ERBB4: variants seen among roughly 807,000 people sequenced by gnomAD.
The protein encoded by ERBB4 is receptor tyrosine-protein kinase erbB-4.
Under a neutral mutation model 158.0 loss-of-function variants are expected in ERBB4, and 42 were observed. That is an observed-to-expected ratio of 0.27 (90% CI 0.21 to 0.34). The LOEUF (loss-of-function observed/expected upper bound fraction) is 0.34, where lower values mean the gene tolerates loss of function less well. ERBB4 is among the 10% of genes least tolerant of loss of function. The pLI is 1.00. For missense variants in ERBB4, 1,333 were observed against 1,624.1 expected (o/e 0.82, Z 3.08); for synonymous variants, 583 against 558.7 (o/e 1.04, Z -0.61).
intron 20 of ERBB4, among the ~76,000 whole-genome samples, chr2:211,542,462 A>G (rs923180558): frequency 2.6e-5 from 4 of 152,016 alleles, no homozygotes; most frequent in African/African-American, 7.2e-5. Context: ...CAAAGTAACT[A>G]TGATTCACGT....
At chr2:211,416,498 C>G (rs1471692962) in intron 25 of ERBB4, among the ~76,000 whole-genome samples, 2 of 152,026 alleles carry the variant, frequency 1.3e-5, no homozygotes, top group Non-Finnish European at 2.9e-5. Flanking sequence ...AAAATAGAAA[C>G]AAATTGGGAA....
intron 12 of ERBB4, among the ~76,000 whole-genome samples, chr2:211,697,677 A>G (rs2073075854): frequency 6.6e-6 from 1 of 152,222 alleles, no homozygotes; most frequent in Non-Finnish European, 1.5e-5. Context: ...AATATAAAAT[A>G]CTTCTTTTCT....
chr2:212,270,094 G>A (rs2085290000), intron 1 of ERBB4, among the ~76,000 whole-genome samples: 1 of 151,588 alleles, frequency 6.6e-6, no homozygotes, highest in Admixed American at 6.6e-5. Context: ...TACCAGGGAT[G>A]GTAAATTAAA....
intron 3 of ERBB4, among the ~76,000 whole-genome samples, chr2:211,790,248 A>T (rs907544216): frequency 6.6e-6 from 1 of 152,076 alleles, no homozygotes; most frequent in African/African-American, 2.4e-5. Flanking sequence ...TAGGTGACAA[A>T]GAAAGGAGAT....
At chr2:212,029,512 A>G (rs2076852421) in intron 2 of ERBB4, among the ~76,000 whole-genome samples, 1 of 152,194 alleles carries the variant, frequency 6.6e-6, no homozygotes, top group Non-Finnish European at 1.5e-5. Flanking sequence ...TGTTTTTATA[A>G]GAGTACCATT....
At chr2:211,663,729 A>C (rs933525030) in intron 15 of ERBB4, among the ~76,000 whole-genome samples, 1 of 152,152 alleles carries the variant, frequency 6.6e-6, no homozygotes, top group Non-Finnish European at 1.5e-5. Flanking sequence ...AAAACAGCAA[A>C]AGGTCTCATT....
intron 2 of ERBB4, among the ~76,000 whole-genome samples, chr2:212,066,605 A>G (rs1021640988): frequency 1.3e-5 from 2 of 152,032 alleles, no homozygotes; most frequent in Non-Finnish European, 2.9e-5. Context: ...TGTAAATGCT[A>G]TCCATCATAA....
intron 3 of ERBB4, among the ~76,000 whole-genome samples, chr2:211,912,266 G>C (rs1196066409): frequency 6.6e-6 from 1 of 152,086 alleles, no homozygotes; most frequent in Non-Finnish European, 1.5e-5. Flanking sequence ...TTTTTGTTCT[G>C]TACCTGGAAG....
chr2:212,268,471 T>C (rs1232953443), intron 1 of ERBB4, among the ~76,000 whole-genome samples: 1 of 151,904 alleles, frequency 6.6e-6, no homozygotes, highest in African/African-American at 2.4e-5. Context: ...TGTATTAGCA[T>C]TTCTATCAAA....
intron 1 of ERBB4, among the ~76,000 whole-genome samples, chr2:212,464,946 G>A (rs1157518684): frequency 6.7e-6 from 1 of 149,188 alleles, no homozygotes; most frequent in East Asian, 2.0e-4. Context: ...AACTAACACA[G>A]TACAAATTGA....
intron 16 of ERBB4, among the ~76,000 whole-genome samples, chr2:211,635,496 A>G (rs1450435046): frequency 1.3e-5 from 2 of 152,132 alleles, no homozygotes; most frequent in African/African-American, 4.8e-5. Context: ...GGACCATGCT[A>G]TTTCTCTCAT....
chr2:211,784,189 C>T (rs2076103097), intron 4 of ERBB4, among the ~76,000 whole-genome samples: 1 of 152,188 alleles, frequency 6.6e-6, no homozygotes, highest in Non-Finnish European at 1.5e-5. Context: ...TGTTTTCCAA[C>T]AGATCTCCAG....
Position 211,420,297 on chromosome 2 carries a change from TC to T in ERBB4, c.3135+143del. On this transcript the variant is annotated intron_variant, in intron 25 of 27. Coordinates refer to ENST00000342788, the MANE Select transcript of ERBB4 (RefSeq NM_005235.3). The stretch of plus-strand genomic sequence containing the variant: ...AACTACATATAGCAAGATTGGCACA[TC>T]TTTTGTGGGTATGGTATATTTTTAA... 3 of 656,034 alleles carry T rather than the reference TC, an allele frequency of 4.6e-6. No homozygotes were observed. The South Asian group carries it at 5.7e-5, about 12-fold the overall frequency. 40.6% of individuals were successfully genotyped at this position (656,034 alleles called of 1,614,324 possible). A position where few individuals can be genotyped will look rare whatever the true frequency, so the allele number is the denominator to read the frequency against.
chr2:212,372,528 T>C lies in ERBB4; in HGVS notation c.82+165921A>G, dbSNP rs576562204. Among the ~76,000 whole-genome samples, 182 of 152,034 alleles carry C rather than the reference T, an allele frequency of 1.2e-3. 1 individual carries two copies. The highest frequency in any genetic ancestry group is 0.01 in the Admixed American group (159 of 15,266). On this transcript the variant is annotated intron_variant, in intron 1 of 27. Coordinates refer to ENST00000342788, the MANE Select transcript of ERBB4 (RefSeq NM_005235.3). ...ACTTTGGGAGGTTGAGGCGGGCGGA[T>C]CACAAATTCAAGAGATCAAGACCAT...
At chr2:212,087,369 C>G (rs905695901) in intron 2 of ERBB4, among the ~76,000 whole-genome samples, 4 of 151,996 alleles carry the variant, frequency 2.6e-5, no homozygotes, top group Non-Finnish European at 5.9e-5. Flanking sequence ...TAATGCAAAC[C>G]AATGAACACA....
chr2:211,686,873 G>A (rs774205859), intron 12 of ERBB4, among the ~76,000 whole-genome samples: 5 of 151,972 alleles, frequency 3.3e-5, no homozygotes, highest in South Asian at 2.1e-4. Flanking sequence ...TTTTGGAGGG[G>A]GTATTCTTTC....
At chr2:211,844,275 G>C (rs1381178114) in intron 3 of ERBB4, among the ~76,000 whole-genome samples, 2 of 151,974 alleles carry the variant, frequency 1.3e-5, no homozygotes, top group Admixed American at 6.6e-5. Context: ...TTTCCAAAAG[G>C]TGGTTGAAAA....
rs187280933 is a variant in ERBB4, at chr2:211,450,556, T to G, written c.2488-19456A>C. On this transcript the variant is annotated intron_variant, in intron 20 of 27. Coordinates refer to ENST00000342788, the MANE Select transcript of ERBB4 (RefSeq NM_005235.3). ...AGAAGTAATCGATTTGAAAGAAATT[T>G]AAAAGCTACTATCAACATTACTTAA... is the stretch of plus-strand genomic sequence containing the variant. 2.6e-5 allele frequency among the ~76,000 whole-genome samples: 4 copies of G among 152,144 alleles called. No individual in the cohort carries two copies. In the East Asian group the frequency reaches 5.8e-4, roughly 22 times the overall value.
intron 19 of ERBB4, among the ~76,000 whole-genome samples, chr2:211,564,244 A>G (rs992686632): frequency 6.6e-6 from 1 of 152,166 alleles, no homozygotes; most frequent in Non-Finnish European, 1.5e-5. Flanking sequence ...AATGTATAAC[A>G]CCAAAGGCTG....
Sources: allele counts gnomAD v4.1 joint callset (sites outside exome capture counted in the v4.1 genomes callset), GRCh38; gene constraint gnomAD v4.1.1; transcripts MANE v1.5; gene names NCBI Gene and HGNC (gene_info 2026-07-23, HGNC 2026-07-21).